RIN2: variants seen among roughly 807,000 people sequenced by gnomAD.
The protein encoded by RIN2 is RAB5 interacting protein 2.
A neutral mutation model predicts 78.0 loss-of-function variants in RIN2; 36 were observed. The observed-to-expected ratio is 0.46, with a 90% CI of 0.35 to 0.61. RIN2 has a LOEUF of 0.61. RIN2 is among the 20% of genes least tolerant of loss of function. RIN2 has a pLI of 0.00. For synonymous variants in RIN2, 466 were observed against 466.8 expected, an observed-to-expected ratio of 1.00 and a Z score of 0.02; for missense variants, 1,087 against 1,159.7, an observed-to-expected ratio of 0.94 and a Z score of 0.91.
chr20:20,000,559 C>T lies in RIN2; in HGVS notation c.2365-54C>T, dbSNP rs576433262. On this transcript the variant is annotated intron_variant, in intron 12 of 12. Coordinates refer to ENST00000255006, the MANE Select transcript of RIN2 (RefSeq NM_018993.4). ...CCCCCTCCCCTGGTCCCCCATCATG[C>T]TCACTATCTAGTTTTCTCTTCTGAC... The T allele has an allele frequency of 2.5e-5, 35 of 1,407,846 alleles. No homozygotes were observed. The East Asian group carries it at 5.7e-4, about 23-fold the overall frequency. The allele number at this position is 1,407,846 out of a possible 1,614,324, so 87.2% of individuals were successfully genotyped here.
chr20:19,958,195 G>A (rs1250201930), intron 5 of RIN2, among the ~76,000 whole-genome samples: 2 of 152,236 alleles, frequency 1.3e-5, no homozygotes, highest in Non-Finnish European at 2.9e-5. Context: ...ATGCTCAGGG[G>A]AACAAGGCAC....
intron 3 of RIN2, among the ~76,000 whole-genome samples, chr20:19,896,938 A>T (rs1449695053): frequency 1.3e-5 from 2 of 152,222 alleles, no homozygotes; most frequent in Admixed American, 1.3e-4. Context: ...GATATAAAAA[A>T]GTATTAATCA....
At chr20:19,850,310 T>TTG (rs1237481041) in intron 2 of RIN2, among the ~76,000 whole-genome samples, 36 of 152,192 alleles carry the variant, frequency 2.4e-4, no homozygotes, top group African/African-American at 7.9e-4. Flanking sequence ...GAGGGGTGGG[T>TTG]TCAGCTGTTG....
intron 2 of RIN2, among the ~76,000 whole-genome samples, chr20:19,833,332 T>C (rs969239404): frequency 2.0e-5 from 3 of 151,682 alleles, no homozygotes; most frequent in Admixed American, 6.6e-5. Context: ...GTGCAGAACA[T>C]GCAGGTTTGT....
At position 19,990,274 on chromosome 20, in the gene RIN2, C is replaced by A. The variant is rs186712522; in HGVS notation, c.2031C>A (p.Val677=). 3.3e-4 allele frequency: 527 copies of A among 1,613,734 alleles called. No homozygotes were observed. The highest frequency in any genetic ancestry group is 2.1e-3 in the Admixed American group (125 of 59,994). ...PEKKVMLLLR[V]CKLIYTVMEN... ...AGAAGGTCATGCTGCTGCTGCGGGT[C>A]TGCAAGCTCATTTACACGGTCATGG... The change falls in exon 10 of 13, where the codon GTC becomes GTA. Residue 677 remains valine (V), a synonymous_variant. Transcript: ENST00000255006.
At chr20:19,921,721 G>C (rs1178487404) in intron 3 of RIN2, among the ~76,000 whole-genome samples, 1 of 152,202 alleles carries the variant, frequency 6.6e-6, no homozygotes, top group Non-Finnish European at 1.5e-5. Context: ...GTGTGAAAGT[G>C]GCTATCAGGA....
intron 9 of RIN2, among the ~76,000 whole-genome samples, chr20:19,977,003 G>A (rs2042298071): frequency 2.6e-5 from 4 of 152,160 alleles, no homozygotes; most frequent in African/African-American, 9.7e-5. Flanking sequence ...TGGAGTGAGT[G>A]GCTAAAGGAA....
intron 2 of RIN2, among the ~76,000 whole-genome samples, chr20:19,873,317 G>A (rs771448925): frequency 6.6e-6 from 1 of 151,932 alleles, no homozygotes; most frequent in Non-Finnish European, 1.5e-5. Flanking sequence ...TGTAGAGTTG[G>A]GGTCTCACTA....
At chr20:19,803,287 T>A (rs1943503335) in intron 2 of RIN2, among the ~76,000 whole-genome samples, 1 of 152,190 alleles carries the variant, frequency 6.6e-6, no homozygotes, top group South Asian at 2.1e-4. Context: ...TATTGAAAGC[T>A]TGTTGTGTGC....
chr20:19,843,552 A>G (rs2123104066), intron 2 of RIN2, among the ~76,000 whole-genome samples: 1 of 152,344 alleles, frequency 6.6e-6, no homozygotes, highest in East Asian at 1.9e-4. Context: ...ACATACACAA[A>G]TTGTTATTAG....
chr20:19,911,708 C>T (rs1170646493), intron 3 of RIN2, among the ~76,000 whole-genome samples: 3 of 148,368 alleles, frequency 2.0e-5, no homozygotes, highest in Non-Finnish European at 4.4e-5. Flanking sequence ...TCTTTGGCCT[C>T]CAAATGGTCC....
At chr20:19,905,203 C>T (rs1443357179) in intron 3 of RIN2, among the ~76,000 whole-genome samples, 1 of 152,168 alleles carries the variant, frequency 6.6e-6, no homozygotes, top group East Asian at 1.9e-4. Context: ...TGAGCCAGAA[C>T]AGACTCAAAA....
intron 3 of RIN2, among the ~76,000 whole-genome samples, chr20:19,918,162 G>T (rs1432405590): frequency 6.6e-6 from 1 of 152,096 alleles, no homozygotes; most frequent in Non-Finnish European, 1.5e-5. Flanking sequence ...GGGACAGCTG[G>T]GGGGACACCA....
intron 4 of RIN2, among the ~76,000 whole-genome samples, chr20:19,946,968 T>C (rs1459071533): frequency 1.4e-5 from 2 of 148,018 alleles, no homozygotes; most frequent in African/African-American, 2.5e-5. Flanking sequence ...GAGGTGGAGG[T>C]TGCAGTGAGC....
chr20:19,860,372 A>T (rs2037296496), intron 2 of RIN2, among the ~76,000 whole-genome samples: 1 of 151,746 alleles, frequency 6.6e-6, no homozygotes, highest in African/African-American at 2.4e-5. Context: ...CTCAGGCTGG[A>T]GTGCAGTGGC....
chr20:19,838,270 G>C (rs1181862921), intron 2 of RIN2, among the ~76,000 whole-genome samples: 1 of 152,008 alleles, frequency 6.6e-6, no homozygotes, highest in Admixed American at 6.6e-5. Context: ...TTGAGGAAGA[G>C]AGATATGGCC....
intron 3 of RIN2, among the ~76,000 whole-genome samples, chr20:19,913,552 G>T (rs1448155803): frequency 6.6e-6 from 1 of 152,158 alleles, no homozygotes; most frequent in African/African-American, 2.4e-5. Context: ...TCATCTTGCA[G>T]AATTGAAACT....
intron 2 of RIN2, among the ~76,000 whole-genome samples, chr20:19,827,451 C>CT: frequency 6.6e-6 from 1 of 152,176 alleles, no homozygotes; most frequent in Non-Finnish European, 1.5e-5. Flanking sequence ...CCCTGGAGCC[C>CT]ACAGCTTCAT....
chr20:19,775,065 C>T (rs781711920), intron 1 of RIN2, among the ~76,000 whole-genome samples: 5 of 152,126 alleles, frequency 3.3e-5, no homozygotes, highest in Admixed American at 3.3e-4. Context: ...AGTTCCACTT[C>T]GTATGTGTTA....
Sources: gnomAD v4.1 joint callset for allele counts (sites outside exome capture counted in the v4.1 genomes callset) on GRCh38, gnomAD v4.1.1 for gene constraint, MANE v1.5 for transcripts, NCBI Gene and HGNC (gene_info 2026-07-23, HGNC 2026-07-21) for gene names.